DCAF7: variants seen among roughly 807,000 people sequenced by gnomAD.
DCAF7 encodes DDB1- and CUL4-associated factor 7.
Under a neutral mutation model 41.2 loss-of-function variants are expected in DCAF7, and 4 were observed. The ratio of observed to expected loss-of-function variants is 0.10; its 90% CI spans 0.05 to 0.22. DCAF7 has a LOEUF of 0.22. Among genes scored for constraint, DCAF7 ranks in the 10% least tolerant of loss-of-function variants. The pLI, the probability that DCAF7 is intolerant of heterozygous loss-of-function variation, is 1.00. For missense variants in DCAF7, 131 were observed against 443.2 expected (o/e 0.30, Z 6.32); for synonymous variants, 143 against 164.2 (o/e 0.87, Z 0.99).
chr17:63,551,307 A>AC (rs34112812), intron 1 of DCAF7, among the ~76,000 whole-genome samples: 1,649 of 86,016 alleles, frequency 0.019, 25 homozygotes, highest in African/African-American at 0.048. Context: ...CCCTACTCCC[A>AC]CCCCCCCCGG....
At chr17:63,566,244 G>T (rs367688428) in intron 1 of DCAF7, among the ~76,000 whole-genome samples, 1 of 151,778 alleles carries the variant, frequency 6.6e-6, no homozygotes, top group Non-Finnish European at 1.5e-5. Flanking sequence ...GGTGGTAGGC[G>T]CCTGTAGTCC....
chr17:63,582,814 A>T (rs2033638481), intron 4 of DCAF7, among the ~76,000 whole-genome samples: 1 of 152,136 alleles, frequency 6.6e-6, no homozygotes, highest in Admixed American at 6.5e-5. Flanking sequence ...CTGTTTCCTC[A>T]TAGACGTTAG....
intron 2 of DCAF7, 51 bp downstream of exon 2, chr17:63,578,679 G>C: frequency 6.2e-7 from 1 of 1,610,980 alleles, no homozygotes; most frequent in Non-Finnish European, 8.5e-7. Flanking sequence ...CTCAGCCTCA[G>C]CTGTTAGCAG....
chr17:63,557,464 A>T (rs919677065), intron 1 of DCAF7, among the ~76,000 whole-genome samples: 4 of 151,980 alleles, frequency 2.6e-5, no homozygotes, highest in African/African-American at 7.3e-5. Context: ...AGCCGAGATC[A>T]TGTCACTGTA....
intron 1 of DCAF7, among the ~76,000 whole-genome samples, chr17:63,559,367 A>ATG (rs1568097724): frequency 3.0e-5 from 3 of 100,786 alleles, no homozygotes; most frequent in African/African-American, 1.6e-4. Flanking sequence ...ATGTATGTAT[A>ATG]TATATATGTG....
chr17:63,552,894 C>T (rs1275523590), intron 1 of DCAF7, among the ~76,000 whole-genome samples: 1 of 152,176 alleles, frequency 6.6e-6, no homozygotes, highest in Non-Finnish European at 1.5e-5. Flanking sequence ...CTAATAACCC[C>T]ACTATCAACA....
chr17:63,573,084 TG>T (rs2033524073), intron 1 of DCAF7, among the ~76,000 whole-genome samples: 1 of 152,140 alleles, frequency 6.6e-6, no homozygotes, highest in Non-Finnish European at 1.5e-5. Context: ...TTCTTTATTC[TG>T]CCCAATGAGC....
chr17:63,565,257 G>A (rs2033428092), intron 1 of DCAF7, among the ~76,000 whole-genome samples: 1 of 152,146 alleles, frequency 6.6e-6, no homozygotes, highest in Non-Finnish European at 1.5e-5. Flanking sequence ...TTTGGGTAGT[G>A]GGATGGGACT....
chr17:63,553,081 A>T (rs1030666913), intron 1 of DCAF7, among the ~76,000 whole-genome samples: 2 of 152,242 alleles, frequency 1.3e-5, no homozygotes, highest in Non-Finnish European at 2.9e-5. Context: ...AAACACATAG[A>T]ATTACAAAAG....
chr17:63,578,369 C>CA, intron 1 of DCAF7, 101 bp from the exon 2 acceptor site: 11 of 1,530,446 alleles, frequency 7.2e-6, no homozygotes, highest in Non-Finnish European at 9.8e-6. Context: ...GTCTTTAAAA[C>CA]AAAAAACAAA....
intron 2 of DCAF7, among the ~76,000 whole-genome samples, chr17:63,579,061 T>C (rs1013902954): frequency 6.6e-6 from 1 of 152,174 alleles, no homozygotes; most frequent in Non-Finnish European, 1.5e-5. Flanking sequence ...GGCGTGGCCT[T>C]AGTACACCTG....
At chr17:63,554,740 A>G in intron 1 of DCAF7, among the ~76,000 whole-genome samples, 1 of 152,256 alleles carries the variant, frequency 6.6e-6, no homozygotes, top group Non-Finnish European at 1.5e-5. Flanking sequence ...GGAATAAGCC[A>G]TATAGAGATG....
At chr17:63,579,038 C>A (rs974757718) in intron 2 of DCAF7, among the ~76,000 whole-genome samples, 1 of 152,192 alleles carries the variant, frequency 6.6e-6, no homozygotes, top group Non-Finnish European at 1.5e-5. Flanking sequence ...GCAGCAGCGT[C>A]CTCTGTAGCA....
At chr17:63,562,454 A>C (rs1286706827) in intron 1 of DCAF7, among the ~76,000 whole-genome samples, 1 of 152,206 alleles carries the variant, frequency 6.6e-6, no homozygotes, top group Admixed American at 6.5e-5. Flanking sequence ...ATACAAATAA[A>C]ACATTTCTCT....
chr17:63,562,685 C>G, intron 1 of DCAF7, among the ~76,000 whole-genome samples: 1 of 114,524 alleles, frequency 8.7e-6, no homozygotes, highest in East Asian at 3.1e-4. Context: ...CTATCCCTCC[C>G]CCCTCCCCCC....
At chr17:63,583,175 C>G (rs2033642172) in intron 4 of DCAF7, among the ~76,000 whole-genome samples, 1 of 152,164 alleles carries the variant, frequency 6.6e-6, no homozygotes, top group South Asian at 2.1e-4. Context: ...GTGTCTCATT[C>G]TTGTTGTGTG....
chr17:63,558,500 C>T (rs1410218042), intron 1 of DCAF7, among the ~76,000 whole-genome samples: 1 of 152,196 alleles, frequency 6.6e-6, no homozygotes, highest in Non-Finnish European at 1.5e-5. Context: ...CTAAAGATGT[C>T]AGTGTCCCTA....
intron 1 of DCAF7, among the ~76,000 whole-genome samples, chr17:63,565,381 C>T (rs900882378): frequency 6.6e-6 from 1 of 151,980 alleles, no homozygotes; most frequent in African/African-American, 2.4e-5. Context: ...TGGAGACCAG[C>T]TTGACCACCA....
chr17:63,580,507 C>CTTTTTT lies in DCAF7; in HGVS notation c.528+587_528+592dup, dbSNP rs530801174. ...AACTGAGAAGAGCTATTTGTGATTGCTTTTTTTTTTTTTTTTTTTTTTTTT... is the reference window on the plus strand; with the variant it reads ...AACTGAGAAGAGCTATTTGTGATTGCTTTTTTTTTTTTTTTTTTTTTTTTTTTTTTT... On this transcript the variant is annotated intron_variant, in intron 4 of 6. Transcript: ENST00000614556. 3.0e-4 allele frequency among the ~76,000 whole-genome samples: 13 copies of CTTTTTT among 43,894 alleles called. 1 individual carries two copies. The highest frequency in any genetic ancestry group is 4.2e-4 in the Non-Finnish European group (10 of 23,556). The allele number at this position is 43,894 out of a possible 152,430, so 28.8% of individuals were successfully genotyped here.
Sources: gnomAD v4.1 joint callset for allele counts (sites outside exome capture counted in the v4.1 genomes callset) on GRCh38, gnomAD v4.1.1 for gene constraint, MANE v1.5 for transcripts, NCBI Gene and HGNC (gene_info 2026-07-23, HGNC 2026-07-21) for gene names.